NPAS3: variants seen among roughly 807,000 people sequenced by gnomAD.
NPAS3 encodes neuronal PAS domain-containing protein 3.
A neutral mutation model predicts 73.1 loss-of-function variants in NPAS3; 14 were observed. The observed-to-expected ratio is 0.19, with a 90% CI of 0.13 to 0.30. The LOEUF (loss-of-function observed/expected upper bound fraction) is 0.30, where lower values mean the gene tolerates loss of function less well. NPAS3 is among the 10% of genes least tolerant of loss of function. The pLI is 1.00. For synonymous variants in NPAS3, 620 were observed against 541.5 expected, an observed-to-expected ratio of 1.14 and a Z score of -2.01; for missense variants, 1,096 against 1,250.0, an observed-to-expected ratio of 0.88 and a Z score of 1.86.
chr14:33,043,008 TG>T, intron 1 of NPAS3, among the ~76,000 whole-genome samples: 1 of 152,290 alleles, frequency 6.6e-6, no homozygotes, highest in Admixed American at 6.5e-5. Context: ...ATCTTGCTGC[TG>T]CTGCTTCATA....
At chr14:33,211,527 C>G (rs1305944091) in intron 2 of NPAS3, among the ~76,000 whole-genome samples, 2 of 152,126 alleles carry the variant, frequency 1.3e-5, no homozygotes, top group Non-Finnish European at 2.9e-5. Context: ...GCACTCCAAC[C>G]TGGGTGACAG....
At chr14:33,054,070 T>C (rs1180313218) in intron 1 of NPAS3, among the ~76,000 whole-genome samples, 2 of 152,218 alleles carry the variant, frequency 1.3e-5, no homozygotes, top group Non-Finnish European at 2.9e-5. Context: ...ACTGGGGCTA[T>C]CACATGCTCA....
intron 4 of NPAS3, among the ~76,000 whole-genome samples, chr14:33,439,315 G>A (rs953059867): frequency 1.3e-5 from 2 of 152,176 alleles, no homozygotes; most frequent in Non-Finnish European, 2.9e-5. Context: ...ACTGTTCCCA[G>A]GGGGCAAATA....
chr14:33,455,497 A>G (rs1284261198), intron 4 of NPAS3, among the ~76,000 whole-genome samples: 1 of 152,246 alleles, frequency 6.6e-6, no homozygotes, highest in African/African-American at 2.4e-5. Context: ...TTGTAAAACT[A>G]TAAGAAAACC....
At chr14:33,794,039 T>C in exon 10 of NPAS3, 1 of 1,611,898 alleles carries the variant, frequency 6.2e-7, no homozygotes, top group South Asian at 1.1e-5. Context: ...TGAATTACCT[T>C]CTTAGGTATA....
intron 3 of NPAS3, among the ~76,000 whole-genome samples, chr14:33,215,765 C>T (rs1020712453): frequency 6.6e-6 from 1 of 152,080 alleles, no homozygotes; most frequent in Admixed American, 6.6e-5. Flanking sequence ...GGGGTATGGA[C>T]ACATTTGTTA....
chr14:33,220,909 G>T (rs1014012325), intron 3 of NPAS3, among the ~76,000 whole-genome samples: 1 of 152,196 alleles, frequency 6.6e-6, no homozygotes, highest in African/African-American at 2.4e-5. Context: ...ATTTTTGAGA[G>T]TGATGGCTGA....
chr14:33,522,170 G>A (rs931163607), intron 4 of NPAS3, among the ~76,000 whole-genome samples: 6 of 152,138 alleles, frequency 3.9e-5, no homozygotes, highest in Non-Finnish European at 4.4e-5. Flanking sequence ...ATCCATAAAC[G>A]TATAGGCAGA....
At chr14:33,456,326 C>T (rs539743746) in intron 4 of NPAS3, among the ~76,000 whole-genome samples, 8 of 152,256 alleles carry the variant, frequency 5.3e-5, no homozygotes, top group African/African-American at 1.7e-4. Flanking sequence ...CCAGGATTTT[C>T]ATGGCGGCTA....
At chr14:33,059,439 A>G (rs2041010277) in intron 2 of NPAS3, among the ~76,000 whole-genome samples, 1 of 152,216 alleles carries the variant, frequency 6.6e-6, no homozygotes, top group Non-Finnish European at 1.5e-5. Flanking sequence ...TAAAATTTCA[A>G]GTTTAATTGG....
At chr14:33,619,792 G>A (rs995539440) in intron 5 of NPAS3, among the ~76,000 whole-genome samples, 3 of 152,184 alleles carry the variant, frequency 2.0e-5, no homozygotes, top group African/African-American at 7.2e-5. Context: ...ACTGGCAATT[G>A]GGTATAGACG....
chr14:33,146,668 T>A (rs537402593), intron 2 of NPAS3, among the ~76,000 whole-genome samples: 2 of 152,236 alleles, frequency 1.3e-5, no homozygotes, highest in Non-Finnish European at 2.9e-5. Flanking sequence ...GTGGTTTATC[T>A]TATTCACCTT....
At chr14:33,695,996 A>G (rs1215842656) in intron 6 of NPAS3, among the ~76,000 whole-genome samples, 1 of 152,212 alleles carries the variant, frequency 6.6e-6, no homozygotes, top group Non-Finnish European at 1.5e-5. Flanking sequence ...TCGAAGAAGA[A>G]ATATTACTTT....
intron 1 of NPAS3, among the ~76,000 whole-genome samples, chr14:33,043,196 C>T (rs2040400585): frequency 6.6e-6 from 1 of 152,078 alleles, no homozygotes; most frequent in Non-Finnish European, 1.5e-5. Context: ...GAACACATTT[C>T]TAAATACATA....
chr14:33,670,835 C>G (rs1299842183), intron 5 of NPAS3, among the ~76,000 whole-genome samples: 1 of 151,922 alleles, frequency 6.6e-6, no homozygotes, highest in Non-Finnish European at 1.5e-5. Flanking sequence ...ATTGCTAGCA[C>G]TCACTAAGGG....
chr14:33,714,433 A>G (rs2060904673), intron 6 of NPAS3, among the ~76,000 whole-genome samples: 1 of 152,106 alleles, frequency 6.6e-6, no homozygotes, highest in South Asian at 2.1e-4. Context: ...GCTGTGGACA[A>G]CTGGACCCCA....
rs200998365 is a variant in NPAS3, at chr14:33,634,671, G to A, written c.559-41540G>A. ...TTCTCCAAGGTAGTGAATTTAGTTGGGGGAATAGGTTTGGGGATACGGGGA... is the reference window on the plus strand; with the variant it reads ...TTCTCCAAGGTAGTGAATTTAGTTGAGGGAATAGGTTTGGGGATACGGGGA... On this transcript the variant is annotated intron_variant, in intron 5 of 11. Coordinates refer to ENST00000356141, the Ensembl canonical transcript of NPAS3. 3.9e-5 allele frequency among the ~76,000 whole-genome samples: 6 copies of A among 152,268 alleles called. No individual in the cohort carries two copies. In the East Asian group the frequency reaches 1.2e-3, roughly 29 times the overall value.
chr14:33,776,416 C>T (rs1261753370), intron 8 of NPAS3, among the ~76,000 whole-genome samples: 27 of 150,294 alleles, frequency 1.8e-4, no homozygotes. Context: ...CTGTGATCAA[C>T]TCATTAATTC....
chr14:33,376,998 C>G (rs1277410091), intron 4 of NPAS3, among the ~76,000 whole-genome samples: 2 of 152,136 alleles, frequency 1.3e-5, no homozygotes, highest in African/African-American at 4.8e-5. Flanking sequence ...TTATCAGAAA[C>G]TTTATTACTT....
Sources: gnomAD v4.1 joint callset for allele counts (sites outside exome capture counted in the v4.1 genomes callset) on GRCh38, gnomAD v4.1.1 for gene constraint, MANE v1.5 for transcripts, NCBI Gene and HGNC (gene_info 2026-07-23, HGNC 2026-07-21) for gene names.